Variants in SGCD observed in about 807,000 individuals in gnomAD.
SGCD encodes delta-sarcoglycan.
In SGCD, 18 loss-of-function variants were observed where a neutral mutation model predicts 36.6. That is an observed-to-expected ratio of 0.49 (90% CI 0.34 to 0.73). The LOEUF is 0.73. Among genes scored for constraint, SGCD ranks in the 30% least tolerant of loss-of-function variants. SGCD has a pLI of 0.01. For synonymous variants in SGCD, 133 were observed against 130.6 expected (o/e 1.02, Z -0.12); for missense variants, 387 against 346.7 (o/e 1.12, Z -0.92).
At chr5:156,261,074 T>C (rs957089245) in intron 3 of SGCD, among the ~76,000 whole-genome samples, 8 of 152,170 alleles carry the variant, frequency 5.3e-5, no homozygotes, top group African/African-American at 1.9e-4. Context: ...AAATACTTTG[T>C]GAAGATTTTG....
intron 3 of SGCD, among the ~76,000 whole-genome samples, chr5:156,460,674 A>G (rs1163278898): frequency 2.6e-5 from 4 of 152,164 alleles, no homozygotes; most frequent in Non-Finnish European, 5.9e-5. Context: ...CATTTATTTC[A>G]TAGCCTGAGA....
chr5:156,665,263 A>T (rs1485484016), intron 7 of SGCD, among the ~76,000 whole-genome samples: 1 of 151,910 alleles, frequency 6.6e-6, no homozygotes, highest in Non-Finnish European at 1.5e-5. Flanking sequence ...TGATGGCCCC[A>T]TTAATTCTGG....
intron 4 of SGCD, among the ~76,000 whole-genome samples, chr5:156,553,348 T>G (rs576365596): frequency 6.4e-4 from 98 of 152,294 alleles, no homozygotes; most frequent in African/African-American, 2.3e-3. Flanking sequence ...TTCTTTAAGA[T>G]GCTCTCAAAT....
intron 3 of SGCD, among the ~76,000 whole-genome samples, chr5:156,151,315 G>A (rs999150774): frequency 3.3e-5 from 5 of 151,586 alleles, no homozygotes; most frequent in Admixed American, 3.3e-4. Flanking sequence ...TTGGATGTGT[G>A]GCACAACTGT....
chr5:155,876,701 A>G (rs1248206581), intron 1 of SGCD, among the ~76,000 whole-genome samples: 1 of 152,078 alleles, frequency 6.6e-6, no homozygotes, highest in Non-Finnish European at 1.5e-5. Context: ...GTGTTTGTCT[A>G]TGTAGGTTTA....
rs754124727 is a variant in SGCD at position 156,344,478 on chromosome 5, G to T, written c.4-11G>T. 5.2e-6 allele frequency: 8 copies of T among 1,538,030 alleles called. No individual in the cohort carries two copies. In the East Asian group the frequency reaches 1.5e-4, roughly 29 times the overall value. ...AATGTGAGTGCTTCTCTCTTGCCTC[G>T]TTTATTTCAGATGCCTCAGGAGCAG... On this transcript the variant is annotated splice_polypyrimidine_tract_variant and intron_variant, in intron 2 of 8. Transcript: ENST00000337851.
intron 3 of SGCD, among the ~76,000 whole-genome samples, chr5:156,278,034 A>T (rs1038616366): frequency 1.3e-5 from 2 of 152,162 alleles, no homozygotes; most frequent in African/African-American, 2.4e-5. Context: ...AAGGGGAGGG[A>T]GCATCAGATT....
chr5:156,631,006 A>G (rs1202958187), intron 6 of SGCD, among the ~76,000 whole-genome samples: 1 of 152,220 alleles, frequency 6.6e-6, no homozygotes, highest in Non-Finnish European at 1.5e-5. Flanking sequence ...ATGAGAAAAT[A>G]TACCTGCCCC....
chr5:156,310,781 A>G (rs114238574), intron 3 of SGCD, among the ~76,000 whole-genome samples: 1,793 of 152,342 alleles, frequency 0.012, 19 homozygotes, highest in Middle Eastern at 0.017. Context: ...GTTCAAAAAT[A>G]AAAGAGAGAG....
At chr5:156,326,490 C>G (rs1338680009), upstream of SGCD, among the ~76,000 whole-genome samples, 1 of 152,086 alleles carries the variant, frequency 6.6e-6, no homozygotes, top group Non-Finnish European at 1.5e-5. Flanking sequence ...GTTGCTGCAG[C>G]AAAAAATGTA....
At chr5:156,287,088 TAAC>T (rs2127675912) in intron 3 of SGCD, among the ~76,000 whole-genome samples, 1 of 152,300 alleles carries the variant, frequency 6.6e-6, no homozygotes, top group East Asian at 1.9e-4. Flanking sequence ...CACTCAGTGA[TAAC>T]AAGTGTTATC....
intron 3 of SGCD, among the ~76,000 whole-genome samples, chr5:156,234,299 G>A (rs1581185383): frequency 6.6e-6 from 1 of 152,068 alleles, no homozygotes; most frequent in South Asian, 2.1e-4. Context: ...TCAAATATAT[G>A]TTTTGTAAAT....
At chr5:156,567,266 A>G (rs1377987084) in intron 4 of SGCD, among the ~76,000 whole-genome samples, 2 of 151,652 alleles carry the variant, frequency 1.3e-5, no homozygotes, top group African/African-American at 2.4e-5. Context: ...AGAGAAAGAG[A>G]ACCAATAGAG....
chr5:156,256,755 G>T (rs536221961), intron 3 of SGCD, among the ~76,000 whole-genome samples: 1 of 152,260 alleles, frequency 6.6e-6, no homozygotes, highest in African/African-American at 2.4e-5. Flanking sequence ...TATAATCTGT[G>T]GATCTCTGGG....
At chr5:155,749,832 T>C in the SGCD span, among the ~76,000 whole-genome samples, 2 of 152,224 alleles carry the variant, frequency 1.3e-5, no homozygotes, top group Non-Finnish European at 2.9e-5. Flanking sequence ...TCAAGAAATA[T>C]TTTGGCAGAC....
At chr5:156,657,336 G>T (rs1763729452) in intron 7 of SGCD, among the ~76,000 whole-genome samples, 1 of 151,356 alleles carries the variant, frequency 6.6e-6, no homozygotes, top group Admixed American at 6.6e-5. Flanking sequence ...ATGTTGGTGT[G>T]CTGCACCCAT....
intron 3 of SGCD, among the ~76,000 whole-genome samples, chr5:156,470,390 T>A (rs1052163696): frequency 6.6e-6 from 1 of 152,126 alleles, no homozygotes; most frequent in Admixed American, 6.6e-5. Flanking sequence ...ATGTGCACAA[T>A]GTGCAGTTTA....
At chr5:156,733,013 A>G (rs1756159775) in intron 7 of SGCD, among the ~76,000 whole-genome samples, 1 of 152,084 alleles carries the variant, frequency 6.6e-6, no homozygotes, top group Non-Finnish European at 1.5e-5. Flanking sequence ...TTCTTTCAAA[A>G]AACCAGCTCC....
chr5:156,291,174 A>T (rs1030062459), intron 3 of SGCD, among the ~76,000 whole-genome samples: 2 of 152,130 alleles, frequency 1.3e-5, no homozygotes, highest in Non-Finnish European at 2.9e-5. Flanking sequence ...ACAAGTTTTA[A>T]TGTTCAATAG....
Sources: allele counts gnomAD v4.1 joint callset (sites outside exome capture counted in the v4.1 genomes callset), GRCh38; gene constraint gnomAD v4.1.1; transcripts MANE v1.5; gene names NCBI Gene and HGNC (gene_info 2026-07-23, HGNC 2026-07-21).